Variants in MARK1 observed in about 807,000 individuals in gnomAD.
MARK1 encodes the protein microtubule affinity regulating kinase 1, also known as serine/threonine-protein kinase MARK1.
Under a neutral mutation model 96.3 loss-of-function variants are expected in MARK1, and 40 were observed. The observed-to-expected ratio is 0.42, with a 90% CI of 0.32 to 0.54. The LOEUF (loss-of-function observed/expected upper bound fraction) is 0.54. Among genes scored for constraint, MARK1 ranks in the 20% least tolerant of loss-of-function variants. The probability of loss-of-function intolerance (pLI) is 0.16; values close to 1 mark genes in which losing one functional copy is unlikely to be tolerated. For missense variants in MARK1, 719 were observed against 984.6 expected, an observed-to-expected ratio of 0.73 and a Z score of 3.61; for synonymous variants, 317 against 341.2, an observed-to-expected ratio of 0.93 and a Z score of 0.78.
intron 17 of MARK1, 91 bp from the exon 18 acceptor site, chr1:220,661,721 A>C (rs1460816365): frequency 2.1e-6 from 2 of 952,610 alleles, no homozygotes; most frequent in East Asian, 2.6e-5. Context: ...TTAGGCACTG[A>C]ACTATGACCA....
At chr1:220,647,988 C>G (rs1668674618) in intron 13 of MARK1, among the ~76,000 whole-genome samples, 1 of 151,728 alleles carries the variant, frequency 6.6e-6, no homozygotes, top group South Asian at 2.1e-4. Context: ...AGCAAACCAC[C>G]ATGGCACACA....
intron 3 of MARK1, among the ~76,000 whole-genome samples, chr1:220,583,989 T>C (rs1337917074): frequency 1.3e-5 from 2 of 151,986 alleles, no homozygotes; most frequent in African/African-American, 4.8e-5. Flanking sequence ...TTAAGCAGCC[T>C]ACTAATGTTG....
In MARK1 at chr1:220,583,558, AT is replaced by A. The variant is rs1053252783; in HGVS notation, c.309+2445del. 1.1e-4 allele frequency among the ~76,000 whole-genome samples: 16 copies of A among 152,020 alleles called. 1 individual carries two copies. Among genetic ancestry groups the A allele is most frequent in the African/African-American group, 3.6e-4 (15 of 41,398 alleles). On this transcript the variant is annotated intron_variant, in intron 3 of 17. Transcript: ENST00000366917. ...TTAAAAAGTATTTTAGGTAGATGCTATTTTTAGTTCTTCCTCTTCAAAGCAT... is the reference window on the plus strand; with the variant it reads ...TTAAAAAGTATTTTAGGTAGATGCTATTTTAGTTCTTCCTCTTCAAAGCAT...
chr1:220,614,608 A>G (rs1307708406), intron 6 of MARK1, among the ~76,000 whole-genome samples: 1 of 151,918 alleles, frequency 6.6e-6, no homozygotes, highest in Non-Finnish European at 1.5e-5. Context: ...TACAAGGTAT[A>G]TAGAGAATAT....
intron 3 of MARK1, among the ~76,000 whole-genome samples, chr1:220,597,096 C>A (rs1032861388): frequency 6.6e-6 from 1 of 151,620 alleles, no homozygotes; most frequent in Non-Finnish European, 1.5e-5. Context: ...TTTGTATAGA[C>A]CACATTTTGT....
At position 220,635,881 on chromosome 1, in the gene MARK1, C is replaced by A. The variant is rs763519378; in HGVS notation, c.1325C>A (p.Ala442Asp). 1.2e-5 allele frequency: 20 copies of A among 1,613,708 alleles called. No individual in the cohort carries two copies. The East Asian group carries it at 4.0e-4, about 32-fold the overall frequency. ...GTATCATATACCAAAAGACCTCAGG[C>A]TAACAGTGTGGAAAGTGAACAGAAA... The part of the protein sequence containing the change: ...PAVSYTKRPQ[A>D]NSVESEQKEE... The change falls in exon 13 of 18, where the codon GCT (alanine) becomes GAT (aspartate). Residue 442 changes from alanine (A) to aspartate (D), a missense_variant. Ala to Asp is a moderately radical substitution (Grantham distance 126). Transcript: ENST00000366917.
chr1:220,604,439 AC>A (rs1490139079), intron 6 of MARK1, among the ~76,000 whole-genome samples: 2 of 151,788 alleles, frequency 1.3e-5, no homozygotes, highest in Non-Finnish European at 2.9e-5. Flanking sequence ...AAATTAGTTA[AC>A]CCTTTGAAGT....
At chr1:220,627,482 C>T (rs1667415792) in intron 9 of MARK1, 2 of 416,792 alleles carry the variant, frequency 4.8e-6, no homozygotes, top group Non-Finnish European at 9.6e-6. Context: ...CTTGCCAAGT[C>T]CCCTGCCTTT....
chr1:220,645,879 G>T (rs1280142742), intron 13 of MARK1, among the ~76,000 whole-genome samples: 1 of 152,066 alleles, frequency 6.6e-6, no homozygotes, highest in East Asian at 1.9e-4. Flanking sequence ...AATAAACTAG[G>T]TATTGAAGGA....
Position 220,630,236 on chromosome 1 carries a change from C to A in MARK1, c.910-799C>A, listed in dbSNP as rs902310402. ...ACACAGCAAGCATGCTTGTTGGCCA[C>A]TTATGTATCTTTTTTGGAGAAATAT... is the stretch of plus-strand genomic sequence containing the variant. On this transcript the variant is annotated intron_variant, in intron 9 of 17. Coordinates refer to ENST00000366917, the MANE Select transcript of MARK1 (RefSeq NM_018650.5). 1.2e-4 allele frequency among the ~76,000 whole-genome samples: 18 copies of A among 152,158 alleles called. 1 individual carries two copies. The highest frequency in any genetic ancestry group is 4.3e-4 in the African/African-American group (18 of 41,428).
chr1:220,540,245 A>G (rs1661037916), intron 1 of MARK1, among the ~76,000 whole-genome samples: 2 of 152,328 alleles, frequency 1.3e-5, no homozygotes, highest in South Asian at 2.1e-4. Flanking sequence ...AGAACCAGGA[A>G]AACCAGTGAT....
Position 220,661,925 on chromosome 1 carries a change from A to G in MARK1, c.2147A>G (p.Asp716Gly). 6.2e-7 allele frequency: 1 copy of G among 1,614,218 alleles called. No individual in the cohort carries two copies. Among genetic ancestry groups the G allele is most frequent in the Non-Finnish European group, 8.5e-7 (1 of 1,180,042 alleles). The stretch of plus-strand genomic sequence containing the variant: ...ACCACTAGTTCAATGGACCCTAATG[A>G]CATGATGAGAGAAATCCGAAAAGTG... ...MKTTSSMDPN[D>G]MMREIRKVLD... The change falls in exon 18 of 18, where the codon GAC becomes GGC. Residue 716 changes from aspartate to glycine, a missense_variant. Transcript: ENST00000366917.
intron 14 of MARK1, 85 bp downstream of exon 14, chr1:220,650,805 C>A: frequency 1.1e-6 from 1 of 904,108 alleles, no homozygotes; most frequent in South Asian, 1.5e-5. Context: ...CCGAATGGGT[C>A]AGGAGAAAAG....
At chr1:220,644,000 A>C (rs1668435925) in intron 13 of MARK1, among the ~76,000 whole-genome samples, 1 of 152,222 alleles carries the variant, frequency 6.6e-6, no homozygotes, top group African/African-American at 2.4e-5. Flanking sequence ...CTATGAAGCA[A>C]CTACGTTAAC....
chr1:220,528,782 C>T lies in MARK1; in HGVS notation c.-41C>T, dbSNP rs1229057118. On this transcript the variant is annotated 5_prime_UTR_variant, in exon 1 of 18. Transcript: ENST00000366917. ...GCCCCCCGGGGCCCGCACCACAGCC[C>T]GGCCGGCGAGACCCCGGCCAGACCC... The T allele has an allele frequency of 4.5e-6, 7 of 1,539,862 alleles. No homozygotes were observed. The African/African-American group carries it at 6.9e-5, about 15-fold the overall frequency.
intron 3 of MARK1, among the ~76,000 whole-genome samples, chr1:220,589,412 G>A (rs1286710838): frequency 3.3e-5 from 5 of 152,158 alleles, no homozygotes; most frequent in African/African-American, 1.2e-4. Flanking sequence ...ACATAATTGA[G>A]GGAAATATTG....
chr1:220,588,579 C>G (rs1664799704), intron 3 of MARK1, among the ~76,000 whole-genome samples: 1 of 152,152 alleles, frequency 6.6e-6, no homozygotes, highest in African/African-American at 2.4e-5. Context: ...AAGAAGTTAG[C>G]TTAAATTGTT....
At chr1:220,650,302 C>T (rs1558323961) in intron 13 of MARK1, among the ~76,000 whole-genome samples, 2 of 152,146 alleles carry the variant, frequency 1.3e-5, no homozygotes, top group African/African-American at 2.4e-5. Flanking sequence ...TAGAGCTGCT[C>T]ACACCCCTGC....
At chr1:220,655,015 A>G (rs1669088785) in intron 16 of MARK1, among the ~76,000 whole-genome samples, 1 of 152,224 alleles carries the variant, frequency 6.6e-6, no homozygotes, top group African/African-American at 2.4e-5. Context: ...AGCTATTGCT[A>G]CGGCAGTGAG....
Sources: allele counts gnomAD v4.1 joint callset (sites outside exome capture counted in the v4.1 genomes callset), GRCh38; gene constraint gnomAD v4.1.1; transcripts MANE v1.5; gene names NCBI Gene and HGNC (gene_info 2026-07-23, HGNC 2026-07-21).